CHIC1: variants seen among roughly 807,000 people sequenced by gnomAD.
CHIC1 encodes the protein cysteine rich hydrophobic domain 1.
Under a neutral mutation model 18.5 loss-of-function variants are expected in CHIC1, and 7 were observed. The observed-to-expected ratio is 0.38, with a 90% confidence interval of 0.22 to 0.71. The LOEUF (loss-of-function observed/expected upper bound fraction) is 0.71, where lower values mean the gene tolerates loss of function less well. Ranked by LOEUF, CHIC1 falls within the 30% of genes least tolerant of loss-of-function variation. CHIC1 has a pLI of 0.49. For synonymous variants in CHIC1, 77 were observed against 73.5 expected (o/e 1.05, Z -0.25); for missense variants, 159 against 176.9 (o/e 0.90, Z 0.57).
chrX:73,580,196 CA>C (rs2057520117), intron 2 of CHIC1, among the ~76,000 whole-genome samples: 1 of 110,574 alleles, frequency 9.0e-6, no homozygotes, highest in East Asian at 2.8e-4. Context: ...CCAGTGGCCC[CA>C]AAGGTAGTAG....
At chrX:73,660,330 T>C (rs2057973435) in intron 3 of CHIC1, among the ~76,000 whole-genome samples, 1 of 111,808 alleles carries the variant, frequency 8.9e-6, no homozygotes, top group Non-Finnish European at 1.9e-5. Context: ...GGGACCCCAC[T>C]GGGGGTAAAT....
Position 73,686,682 on chromosome X carries a change from GC to G in CHIC1, c.*5680del, listed in dbSNP as rs2058123773. The G allele has an allele frequency of 9.0e-6, 1 of 111,362 alleles. No homozygotes were observed. Among genetic ancestry groups the G allele is most frequent in the Non-Finnish European group, 1.9e-5 (1 of 52,916 alleles). The allele number at this position is 111,362 out of a possible 1,213,427, so 9.2% of individuals were successfully genotyped here. A position where few individuals can be genotyped will look rare whatever the true frequency, so the allele number is the denominator to read the frequency against. On this transcript the variant is annotated 3_prime_UTR_variant, in exon 6 of 6. Coordinates refer to ENST00000373502, the MANE Select transcript of CHIC1 (RefSeq NM_001039840.4). ...AAGTATATAATCTACGAGCGAATTT[GC>G]CCTCCTTGGACTAACCACATACAAA...
intron 2 of CHIC1, among the ~76,000 whole-genome samples, chrX:73,580,507 A>G (rs1469230601): frequency 9.0e-6 from 1 of 111,122 alleles, no homozygotes; most frequent in East Asian, 2.8e-4. Flanking sequence ...ACATGGTGGT[A>G]ACATTAGCTT....
intron 3 of CHIC1, among the ~76,000 whole-genome samples, chrX:73,592,667 T>C (rs2057587628): frequency 9.0e-6 from 1 of 110,658 alleles, no homozygotes; most frequent in African/African-American, 3.3e-5. Context: ...GAAGTTTTTT[T>C]TTCATTGTGT....
rs537687995 is a variant in CHIC1, at chrX:73,609,144, G to C, written c.507+24572G>C. 5.3e-5 allele frequency among the ~76,000 whole-genome samples: 5 copies of C among 94,385 alleles called. No individual in the cohort carries two copies. The South Asian group carries it at 2.4e-3, about 44-fold the overall frequency. 82.0% of individuals were successfully genotyped at this position (94,385 alleles called of 115,157 possible). A position where few individuals can be genotyped will look rare whatever the true frequency, so the allele number is the denominator to read the frequency against. On this transcript the variant is annotated intron_variant, in intron 3 of 5. Transcript: ENST00000373502. Reference sequence around the variant, plus strand: ...TACTCCAGCCTGGGTGACAGAGTGAGACACCATCTCTAAAAAAAAAAAAAA... The same window carrying C: ...TACTCCAGCCTGGGTGACAGAGTGACACACCATCTCTAAAAAAAAAAAAAA...
chrX:73,584,158 C>T, intron 2 of CHIC1, among the ~76,000 whole-genome samples: 1 of 110,528 alleles, frequency 9.0e-6, no homozygotes, highest in Non-Finnish European at 1.9e-5. Context: ...TATCCTTTTC[C>T]GTCAATTTTA....
At chrX:73,598,935 T>G (rs1289146911) in intron 3 of CHIC1, among the ~76,000 whole-genome samples, 13 of 107,816 alleles carry the variant, frequency 1.2e-4, no homozygotes, top group South Asian at 8.6e-4. Flanking sequence ...TGAACTAGTT[T>G]ACAGTCCCAC....
chrX:73,600,867 A>G (rs1484446826), intron 3 of CHIC1, among the ~76,000 whole-genome samples: 14 of 107,420 alleles, frequency 1.3e-4, no homozygotes, highest in Non-Finnish European at 2.1e-4. Flanking sequence ...AGGAAGATCT[A>G]CCAAGCAAAT....
chrX:73,564,529 C>T (rs1603338982), intron 1 of CHIC1, among the ~76,000 whole-genome samples: 7 of 111,157 alleles, frequency 6.3e-5, no homozygotes, highest in South Asian at 7.5e-4. Context: ...GATGATTCTC[C>T]GGGATTTAAA....
intron 2 of CHIC1, among the ~76,000 whole-genome samples, chrX:73,580,967 G>A (rs2147548346): frequency 9.0e-6 from 1 of 111,290 alleles, no homozygotes; most frequent in East Asian, 2.8e-4. Flanking sequence ...GTGCAGAAAA[G>A]ATTGTTTTCC....
chrX:73,633,167 A>T (rs186698593), intron 3 of CHIC1, among the ~76,000 whole-genome samples: 1 of 111,495 alleles, frequency 9.0e-6, no homozygotes, highest in Non-Finnish European at 1.9e-5. Flanking sequence ...TTTCAACTTG[A>T]AAAACCTCGT....
chrX:73,638,498 T>A (rs1345923492), intron 3 of CHIC1, among the ~76,000 whole-genome samples: 10 of 111,320 alleles, frequency 9.0e-5, no homozygotes, highest in Non-Finnish European at 1.7e-4. Flanking sequence ...CCACAAAACC[T>A]TTCCCCCCAT....
At chrX:73,564,868 C>T (rs1174839338) in intron 1 of CHIC1, among the ~76,000 whole-genome samples, 1 of 94,425 alleles carries the variant, frequency 1.1e-5, no homozygotes, top group African/African-American at 4.1e-5. Context: ...GCAATCTTGG[C>T]TCACTGCAGC....
intron 3 of CHIC1, among the ~76,000 whole-genome samples, chrX:73,677,048 A>T (rs1386822988): frequency 4.5e-5 from 5 of 111,293 alleles, no homozygotes; most frequent in African/African-American, 1.6e-4. Context: ...AGAACAGCGG[A>T]TGTTGGTGAA....
At chrX:73,655,539 C>CACA (rs2057943121) in intron 3 of CHIC1, among the ~76,000 whole-genome samples, 1 of 44,721 alleles carries the variant, frequency 2.2e-5, no homozygotes, top group African/African-American at 8.0e-5. Flanking sequence ...TATATATATA[C>CACA]ATATATATAC....
chrX:73,676,657 C>T (rs2058065264), intron 3 of CHIC1, among the ~76,000 whole-genome samples: 1 of 111,403 alleles, frequency 9.0e-6, no homozygotes, highest in Admixed American at 9.5e-5. Flanking sequence ...AAGCTTTTAA[C>T]TTCTTTGCCA....
At chrX:73,632,295 A>AT (rs1331239570) in intron 3 of CHIC1, among the ~76,000 whole-genome samples, 1 of 111,429 alleles carries the variant, frequency 9.0e-6, no homozygotes, top group East Asian at 2.8e-4. Flanking sequence ...ACCCCTGCTA[A>AT]TTTTTGTCCA....
intron 2 of CHIC1, among the ~76,000 whole-genome samples, chrX:73,580,076 C>A (rs991579743): frequency 2.7e-5 from 3 of 110,365 alleles, no homozygotes; most frequent in Non-Finnish European, 5.7e-5. Flanking sequence ...AATTCCCAGG[C>A]ATACAAATTA....
chrX:73,671,118 T>A (rs761903995), intron 3 of CHIC1, among the ~76,000 whole-genome samples: 1 of 112,033 alleles, frequency 8.9e-6, no homozygotes, highest in African/African-American at 3.2e-5. Context: ...GTTCAGATGA[T>A]CTGCCTAGTC....
Sources: gnomAD v4.1 joint callset for allele counts (sites outside exome capture counted in the v4.1 genomes callset) on GRCh38, gnomAD v4.1.1 for gene constraint, MANE v1.5 for transcripts, NCBI Gene and HGNC (gene_info 2026-07-23, HGNC 2026-07-21) for gene names.